Variants in ARHGEF33 observed in about 807,000 individuals in gnomAD.
ARHGEF33 encodes Rho guanine nucleotide exchange factor 33, also known as DH and coiled-coil domain-containing protein ENSP00000381780.
A neutral mutation model predicts 101.9 loss-of-function variants in ARHGEF33; 72 were observed. That is an observed-to-expected ratio of 0.71 (90% confidence interval 0.58 to 0.86). ARHGEF33 has a LOEUF of 0.86. ARHGEF33 is among the 40% of genes least tolerant of loss of function. The pLI, the probability that ARHGEF33 is intolerant of heterozygous loss-of-function variation, is 0.00. For synonymous variants in ARHGEF33, 499 were observed against 442.5 expected, an observed-to-expected ratio of 1.13 and a Z score of -1.60; for missense variants, 1,169 against 1,111.3, an observed-to-expected ratio of 1.05 and a Z score of -0.74.
intron 16 of ARHGEF33, among the ~76,000 whole-genome samples, chr2:38,962,789 C>G (rs543281756): frequency 7.8e-6 from 1 of 127,542 alleles, no homozygotes; most frequent in Admixed American, 1.0e-4. Flanking sequence ...CCGAGGTGGG[C>G]GGATCATGAG....
chr2:38,951,657 G>GTA (rs961480495), intron 11 of ARHGEF33, among the ~76,000 whole-genome samples: 4 of 150,942 alleles, frequency 2.7e-5, no homozygotes, highest in South Asian at 2.1e-4. Context: ...ATGCATCTGT[G>GTA]TATATATATA....
At chr2:38,915,596 T>G (rs1666614257) in intron 2 of ARHGEF33, among the ~76,000 whole-genome samples, 2 of 152,190 alleles carry the variant, frequency 1.3e-5, no homozygotes, top group African/African-American at 4.8e-5. Context: ...GGTCTTGAAC[T>G]CCTGGCCTCA....
Position 38,956,879 on chromosome 2 carries a change from T to C in ARHGEF33, c.1222-20T>C. On this transcript the variant is annotated intron_variant, in intron 13 of 17. Coordinates refer to ENST00000409978, the MANE Select transcript of ARHGEF33 (RefSeq NM_001145451.5). ...TTCATGCTGATTATGCAATGCTACT[T>C]CCTTTTCCCCTCCATCCAGAACGTC... 1 of 1,551,114 alleles carries C rather than the reference T, an allele frequency of 6.4e-7. No individual in the cohort carries two copies. The highest frequency in any genetic ancestry group is 8.7e-7 in the Non-Finnish European group (1 of 1,146,106).
intron 4 of ARHGEF33, 25 bp downstream of exon 4, chr2:38,921,448 A>G (rs1666754789): frequency 1.4e-6 from 2 of 1,469,842 alleles, no homozygotes; most frequent in African/African-American, 2.8e-5. Flanking sequence ...ATTGTTTCAA[A>G]TGCTCCCATG....
intron 16 of ARHGEF33, among the ~76,000 whole-genome samples, chr2:38,961,282 C>CTAT (rs1175075412): frequency 6.6e-6 from 1 of 152,124 alleles, no homozygotes; most frequent in Admixed American, 6.5e-5. Context: ...TTTGCAAACT[C>CTAT]TATTGGGTCA....
Position 38,937,694 on chromosome 2 carries a change from A to C in ARHGEF33, c.790+135A>C, listed in dbSNP as rs142368980. 5.9e-5 allele frequency: 37 copies of C among 630,940 alleles called. No homozygotes were observed. In the East Asian group the frequency reaches 9.9e-4, roughly 17 times the overall value. 39.1% of individuals were successfully genotyped at this position (630,940 alleles called of 1,614,324 possible). On this transcript the variant is annotated intron_variant, in intron 9 of 17. Transcript: ENST00000409978. ...CCACCTAGTTCCTGGTTTCCTTTTC[A>C]GATGAACTAAAGCCTATAGAGGTAA...
intron 7 of ARHGEF33, among the ~76,000 whole-genome samples, chr2:38,935,235 C>T (rs1206981744): frequency 6.6e-6 from 1 of 151,922 alleles, no homozygotes; most frequent in Non-Finnish European, 1.5e-5. Flanking sequence ...GGCTGGAGTG[C>T]AGTGTCACAA....
At chr2:38,906,999 A>G (rs535389283) in intron 2 of ARHGEF33, among the ~76,000 whole-genome samples, 63 of 152,140 alleles carry the variant, frequency 4.1e-4, no homozygotes, top group Admixed American at 3.6e-3. Flanking sequence ...ACAGATGACA[A>G]TTGAGGAGAA....
At chr2:38,943,763 C>A in intron 9 of ARHGEF33, 138 bp from the exon 10 acceptor site, 1 of 905,320 alleles carries the variant, frequency 1.1e-6, no homozygotes, top group Non-Finnish European at 1.7e-6. Context: ...CTCCATTCTG[C>A]TTTCTACCTT....
At chr2:38,969,811 G>A (rs994147710) in intron 17 of ARHGEF33, among the ~76,000 whole-genome samples, 1 of 152,216 alleles carries the variant, frequency 6.6e-6, no homozygotes, top group Non-Finnish European at 1.5e-5. Flanking sequence ...GCTGATGTTA[G>A]CTAGACCAAT....
chr2:38,973,911 AATATATATATATATCTATATCTATATAT>A lies in ARHGEF33; in HGVS notation c.*79_*106del. On this transcript the variant is annotated 3_prime_UTR_variant, in exon 18 of 18. Coordinates refer to ENST00000409978, the MANE Select transcript of ARHGEF33 (RefSeq NM_001145451.5). The stretch of plus-strand genomic sequence containing the variant: ...AAAAGCTTGTATATATCTGTGTAGG[AATATATATATATATCTATATCTATATAT>A]ATATATATATCGATGTATAAATCCC... The A allele has an allele frequency of 3.9e-6, 4 of 1,031,264 alleles. No individual in the cohort carries two copies. Among genetic ancestry groups the A allele is most frequent in the Non-Finnish European group, 3.8e-6 (3 of 782,150 alleles). The allele number at this position is 1,031,264 out of a possible 1,614,324, so 63.9% of individuals were successfully genotyped here. A position where few individuals can be genotyped will look rare whatever the true frequency, so the allele number is the denominator to read the frequency against.
At chr2:38,923,218 C>T (rs991221111) in intron 4 of ARHGEF33, among the ~76,000 whole-genome samples, 22 of 152,056 alleles carry the variant, frequency 1.4e-4, no homozygotes, top group Admixed American at 1.4e-3. Flanking sequence ...TCTATATGAC[C>T]TCTGTGATGC....
At chr2:38,941,557 T>G (rs1667307590) in intron 9 of ARHGEF33, among the ~76,000 whole-genome samples, 1 of 151,874 alleles carries the variant, frequency 6.6e-6, no homozygotes, top group African/African-American at 2.4e-5. Flanking sequence ...TTTTTCTTTT[T>G]TTTTTTTTGA....
chr2:38,893,916 C>A (rs147294560), intron 1 of ARHGEF33, among the ~76,000 whole-genome samples: 1 of 152,230 alleles, frequency 6.6e-6, no homozygotes, highest in African/African-American at 2.4e-5. Flanking sequence ...AGGGCACAAA[C>A]AAGGGCTGGA....
chr2:38,959,580 G>C (rs186962506), intron 15 of ARHGEF33: 1 of 388,336 alleles, frequency 2.6e-6, no homozygotes, highest in East Asian at 4.1e-5. Context: ...GCTTCCACGC[G>C]GGGTGATGAC....
Position 38,960,300 on chromosome 2 carries a change from G to A in ARHGEF33, c.1995G>A (p.Glu665=). 2 of 1,545,410 alleles carry A rather than the reference G, an allele frequency of 1.3e-6. No individual in the cohort carries two copies. Among genetic ancestry groups the A allele is most frequent in the East Asian group, 2.5e-5 (1 of 40,814 alleles). Residue 665 remains glutamate (E), a synonymous_variant, in exon 16 of 18, where the codon GAG becomes GAA. Coordinates refer to ENST00000409978, the MANE Select transcript of ARHGEF33 (RefSeq NM_001145451.5). ...CFLRPVSFAM[E]AERPEHPLQP... ...TGCGGCCCGTCAGCTTCGCCATGGA[G>A]GCCGAGCGGCCGGAGCACCCGCTGC...
intron 4 of ARHGEF33, 41 bp downstream of exon 4, chr2:38,921,464 T>C (rs1411778543): frequency 1.6e-6 from 2 of 1,283,480 alleles, no homozygotes; most frequent in African/African-American, 2.9e-5. Flanking sequence ...CCATGTATAA[T>C]AGCAATGACT....
intron 2 of ARHGEF33, among the ~76,000 whole-genome samples, chr2:38,900,247 G>T (rs1001630006): frequency 3.9e-5 from 6 of 152,100 alleles, no homozygotes; most frequent in Non-Finnish European, 8.8e-5. Context: ...TTCCTGGTAG[G>T]AAGAAATACC....
chr2:38,937,229 C>T (rs1291315084), intron 8 of ARHGEF33, 106 bp from the exon 9 acceptor site: 13 of 631,326 alleles, frequency 2.1e-5, no homozygotes, highest in Admixed American at 1.3e-4. Flanking sequence ...CTCCTGACTT[C>T]GTGATCCGCC....
Sources: allele counts gnomAD v4.1 joint callset (sites outside exome capture counted in the v4.1 genomes callset), GRCh38; gene constraint gnomAD v4.1.1; transcripts MANE v1.5; gene names NCBI Gene and HGNC (gene_info 2026-07-23, HGNC 2026-07-21).